The following TPD52 variants were observed in gnomAD, a reference collection of about 807,000 sequenced individuals.
TPD52 encodes prostate and colon associated protein.
TPD52 carries 17 observed loss-of-function variants against 31.3 expected under a neutral mutation model. The observed-to-expected ratio is 0.54, with a 90% CI of 0.37 to 0.82. The LOEUF is 0.82. Among genes scored for constraint, TPD52 ranks in the 40% least tolerant of loss-of-function variants. The pLI, the probability that TPD52 is intolerant of heterozygous loss-of-function variation, is 0.00. For missense variants in TPD52, 212 were observed against 240.1 expected, an observed-to-expected ratio of 0.88 and a Z score of 0.77; for synonymous variants, 83 against 89.6, an observed-to-expected ratio of 0.93 and a Z score of 0.42.
chr8:80,136,410 G>A (rs923797446), intron 1 of TPD52, among the ~76,000 whole-genome samples: 1 of 150,634 alleles, frequency 6.6e-6, no homozygotes, highest in African/African-American at 2.4e-5. Flanking sequence ...TGTAGTCCCA[G>A]CTACTCAGGA....
intron 1 of TPD52, among the ~76,000 whole-genome samples, chr8:80,141,637 C>T (rs539711642): frequency 1.3e-5 from 2 of 152,248 alleles, no homozygotes; most frequent in South Asian, 2.1e-4. Context: ...TGTGGCTGGG[C>T]GCGGGGGCTC....
At chr8:80,092,826 A>T (rs1209656375) in intron 1 of TPD52, among the ~76,000 whole-genome samples, 1 of 151,880 alleles carries the variant, frequency 6.6e-6, no homozygotes, top group South Asian at 2.1e-4. Context: ...TGTCACTCAC[A>T]CTTTAAATTA....
intron 2 of TPD52, among the ~76,000 whole-genome samples, chr8:80,055,225 T>C (rs1317133150): frequency 6.6e-6 from 1 of 152,194 alleles, no homozygotes; most frequent in Non-Finnish European, 1.5e-5. Context: ...CAAACCACTC[T>C]AAATCTTTCT....
chr8:80,169,478 G>C (rs535783149), intron 1 of TPD52, among the ~76,000 whole-genome samples: 7 of 152,236 alleles, frequency 4.6e-5, no homozygotes, highest in Admixed American at 1.3e-4. Context: ...ACTTAAACTA[G>C]TCCTATAAAA....
chr8:80,162,722 A>C (rs1049328738), intron 1 of TPD52, among the ~76,000 whole-genome samples: 14 of 152,194 alleles, frequency 9.2e-5, no homozygotes, highest in African/African-American at 3.4e-4. Context: ...AATATCCAGA[A>C]CATATATATA....
chr8:80,109,112 T>C (rs968065437), intron 1 of TPD52, among the ~76,000 whole-genome samples: 5 of 152,140 alleles, frequency 3.3e-5, no homozygotes, highest in African/African-American at 1.2e-4. Context: ...GAGTAAAAGC[T>C]ATCAGTTCCC....
chr8:80,058,826 A>C (rs918032680), intron 2 of TPD52, among the ~76,000 whole-genome samples: 2 of 152,132 alleles, frequency 1.3e-5, no homozygotes, highest in African/African-American at 4.8e-5. Flanking sequence ...ACAAAAAAAC[A>C]ACCACACAAA....
At chr8:80,154,729 AC>A (rs1586408896) in intron 1 of TPD52, among the ~76,000 whole-genome samples, 15 of 149,494 alleles carry the variant, frequency 1.0e-4, no homozygotes, top group Middle Eastern at 3.5e-3. Context: ...ACACACACAC[AC>A]ACACACACAC....
At chr8:80,072,798 C>CATATATATATATATATATATATATATAT (rs779389191) in intron 1 of TPD52, among the ~76,000 whole-genome samples, 14 of 141,046 alleles carry the variant, frequency 9.9e-5, no homozygotes, top group African/African-American at 4.2e-4. Context: ...CACACACACA[C>CATATATATATATATATATATATATATAT]ATATATATAT....
At chr8:80,090,950 T>A (rs966730964) in intron 1 of TPD52, among the ~76,000 whole-genome samples, 9 of 152,224 alleles carry the variant, frequency 5.9e-5, no homozygotes, top group African/African-American at 1.9e-4. Flanking sequence ...AAAATTGAGT[T>A]AATGTCAGCA....
At chr8:80,116,200 T>C (rs1275932442) in intron 1 of TPD52, among the ~76,000 whole-genome samples, 1 of 152,158 alleles carries the variant, frequency 6.6e-6, no homozygotes, top group African/African-American at 2.4e-5. Context: ...TTAATGACCA[T>C]AAATAGGTTA....
intron 1 of TPD52, chr8:80,122,859 C>T (rs1169505803): frequency 6.6e-6 from 1 of 152,320 alleles, no homozygotes; most frequent in Non-Finnish European, 1.5e-5. Flanking sequence ...AGGATTCAGG[C>T]TGAATGCATG....
At chr8:80,092,778 A>T (rs1391190130) in intron 1 of TPD52, among the ~76,000 whole-genome samples, 57 of 26,848 alleles carry the variant, frequency 2.1e-3, no homozygotes, top group African/African-American at 0.011. Flanking sequence ...CCACAATTTA[A>T]AAAAAAAAAA....
chr8:80,134,407 C>G (rs1383570790), intron 1 of TPD52, among the ~76,000 whole-genome samples: 1 of 152,214 alleles, frequency 6.6e-6, no homozygotes, highest in African/African-American at 2.4e-5. Flanking sequence ...TGCTCATCAT[C>G]TCATTTGAGT....
chr8:80,120,393 G>C (rs1285729169), intron 1 of TPD52, among the ~76,000 whole-genome samples: 1 of 151,996 alleles, frequency 6.6e-6, no homozygotes, highest in Non-Finnish European at 1.5e-5. Context: ...GGAGGGTGAG[G>C]CACGAGAATC....
chr8:80,074,918 C>A (rs1019042396), intron 1 of TPD52, among the ~76,000 whole-genome samples: 1 of 152,202 alleles, frequency 6.6e-6, no homozygotes, highest in Non-Finnish European at 1.5e-5. Context: ...ACTTGATCCA[C>A]TCCATTTAAG....
intron 1 of TPD52, among the ~76,000 whole-genome samples, chr8:80,079,896 G>A (rs1815040992): frequency 6.6e-6 from 1 of 152,072 alleles, no homozygotes; most frequent in African/African-American, 2.4e-5. Context: ...ACCCAGGACA[G>A]TCATTAGCAA....
chr8:80,123,874 TAG>T (rs1229138572), intron 1 of TPD52, among the ~76,000 whole-genome samples: 2 of 152,012 alleles, frequency 1.3e-5, no homozygotes, highest in African/African-American at 4.8e-5. Context: ...GATTTGGAAA[TAG>T]AGTTTCAAGA....
Position 80,036,515 on chromosome 8 carries a change from C to T in TPD52, c.*1601G>A, listed in dbSNP as rs1294814879. The T allele has an allele frequency of 1.3e-5, 2 of 151,970 alleles. No individual in the cohort carries two copies. Among genetic ancestry groups the T allele is most frequent in the Non-Finnish European group, 2.9e-5 (2 of 67,898 alleles). The allele number at this position is 151,970 out of a possible 1,614,324, so 9.4% of individuals were successfully genotyped here. A position where few individuals can be genotyped will look rare whatever the true frequency, so the allele number is the denominator to read the frequency against. The stretch of plus-strand genomic sequence containing the variant: ...TAAAAAAAAATTTTTTTTTTTTAAG[C>T]ATAGACTCCAGTTGATTCGGTACAA... On this transcript the variant is annotated 3_prime_UTR_variant, in exon 8 of 8. Transcript: ENST00000518937.
Sources: allele counts gnomAD v4.1 joint callset (sites outside exome capture counted in the v4.1 genomes callset), GRCh38; gene constraint gnomAD v4.1.1; transcripts MANE v1.5; gene names NCBI Gene and HGNC (gene_info 2026-07-23, HGNC 2026-07-21).